The following MAGI2 variants were observed in gnomAD, a reference collection of about 807,000 sequenced individuals.
MAGI2 encodes membrane-associated guanylate kinase, WW and PDZ domain-containing protein 2.
A neutral mutation model predicts 133.3 loss-of-function variants in MAGI2; 35 were observed. The ratio of observed to expected loss-of-function variants is 0.26; its 90% CI spans 0.20 to 0.35. The LOEUF is 0.35. MAGI2 is among the 10% of genes least tolerant of loss of function. The pLI, the probability that MAGI2 is intolerant of heterozygous loss-of-function variation, is 1.00. For missense variants in MAGI2, 1,636 were observed against 1,863.4 expected, an observed-to-expected ratio of 0.88 and a Z score of 2.25; for synonymous variants, 729 against 710.6, an observed-to-expected ratio of 1.03 and a Z score of -0.41.
At chr7:79,116,148 T>G (rs1410201043) in intron 1 of MAGI2, among the ~76,000 whole-genome samples, 1 of 152,136 alleles carries the variant, frequency 6.6e-6, no homozygotes, top group Non-Finnish European at 1.5e-5. Context: ...CACTCATCTT[T>G]TCCGTCAGTG....
chr7:78,890,233 C>T (rs1243402746), intron 2 of MAGI2, among the ~76,000 whole-genome samples: 1 of 152,190 alleles, frequency 6.6e-6, no homozygotes, highest in Non-Finnish European at 1.5e-5. Flanking sequence ...AAAGCAAGTC[C>T]TTAGAGACCT....
chr7:79,209,977 A>C, intron 1 of MAGI2, among the ~76,000 whole-genome samples: 1 of 151,986 alleles, frequency 6.6e-6, no homozygotes, highest in Non-Finnish European at 1.5e-5. Flanking sequence ...TTGTCTTGTA[A>C]GTTTTGTGGG....
intron 1 of MAGI2, among the ~76,000 whole-genome samples, chr7:79,056,995 C>T (rs1813205040): frequency 6.6e-6 from 1 of 152,150 alleles, no homozygotes; most frequent in Non-Finnish European, 1.5e-5. Flanking sequence ...TTTCAGAAAT[C>T]TGAAGAAGTC....
intron 2 of MAGI2, among the ~76,000 whole-genome samples, chr7:78,894,326 C>T (rs1290726701): frequency 2.0e-5 from 3 of 152,050 alleles, no homozygotes; most frequent in African/African-American, 7.2e-5. Context: ...GGCGTGAACC[C>T]GGGTGGCAGA....
chr7:78,285,885 C>CA (rs1418778051), intron 9 of MAGI2: 3 of 150,082 alleles, frequency 2.0e-5, no homozygotes, highest in Non-Finnish European at 2.9e-5. Context: ...AATATCAGGG[C>CA]AGCTTTTAAA....
At chr7:78,131,886 A>G (rs1310270853) in intron 18 of MAGI2, among the ~76,000 whole-genome samples, 2 of 152,052 alleles carry the variant, frequency 1.3e-5, no homozygotes, top group African/African-American at 4.8e-5. Context: ...AATTTATTTT[A>G]TTTTTGAGAC....
At chr7:78,113,152 C>T (rs1202736242) in intron 20 of MAGI2, among the ~76,000 whole-genome samples, 4 of 104,084 alleles carry the variant, frequency 3.8e-5, no homozygotes, top group South Asian at 2.7e-4. Context: ...GGATAGAACA[C>T]GCAGGGAGGG....
At chr7:78,896,572 A>G (rs932844448) in intron 2 of MAGI2, among the ~76,000 whole-genome samples, 4 of 149,370 alleles carry the variant, frequency 2.7e-5, no homozygotes, top group Admixed American at 2.0e-4. Flanking sequence ...ATTAAAAATT[A>G]TATGTATATA....
At chr7:78,024,475 A>G (rs947497177) in intron 21 of MAGI2, among the ~76,000 whole-genome samples, 2 of 152,134 alleles carry the variant, frequency 1.3e-5, no homozygotes, top group Non-Finnish European at 2.9e-5. Context: ...TTATTTCCCC[A>G]TGTTGGTGAA....
intron 1 of MAGI2, among the ~76,000 whole-genome samples, chr7:79,204,463 C>A (rs988209402): frequency 3.3e-5 from 5 of 151,934 alleles, no homozygotes; most frequent in African/African-American, 1.2e-4. Flanking sequence ...CTGGTGCACC[C>A]CAGCACAGCA....
At chr7:78,552,758 C>A (rs1413762833) in intron 3 of MAGI2, among the ~76,000 whole-genome samples, 1 of 152,018 alleles carries the variant, frequency 6.6e-6, no homozygotes, top group Non-Finnish European at 1.5e-5. Context: ...GCTAGGGTGC[C>A]CTGAGCCAAA....
chr7:78,719,936 C>A (rs969658345), intron 2 of MAGI2, among the ~76,000 whole-genome samples: 2 of 152,096 alleles, frequency 1.3e-5, no homozygotes, highest in African/African-American at 4.8e-5. Flanking sequence ...TATAATTTAT[C>A]ATCTATAATT....
chr7:79,178,480 G>A (rs1173696141), intron 1 of MAGI2, among the ~76,000 whole-genome samples: 1 of 151,938 alleles, frequency 6.6e-6, no homozygotes, highest in East Asian at 1.9e-4. Context: ...GGGAGGCCGA[G>A]ATGTGTGGAT....
chr7:79,365,026 AC>A (rs1414244285), intron 1 of MAGI2, among the ~76,000 whole-genome samples: 3 of 152,044 alleles, frequency 2.0e-5, no homozygotes, highest in African/African-American at 7.2e-5. Context: ...GAAAAAAAAA[AC>A]CTCTCAAAAT....
intron 2 of MAGI2, among the ~76,000 whole-genome samples, chr7:78,877,171 T>C (rs1035167618): frequency 1.3e-5 from 2 of 152,234 alleles, no homozygotes; most frequent in South Asian, 4.1e-4. Flanking sequence ...TACTGATTTA[T>C]TTTCAAATTC....
At position 78,246,068 on chromosome 7, in the gene MAGI2, C is replaced by T. The variant is rs554709663; in HGVS notation, c.2047+9875G>A. 9.9e-5 allele frequency among the ~76,000 whole-genome samples: 15 copies of T among 152,234 alleles called. No homozygotes were observed. The East Asian group carries it at 2.9e-3, about 30-fold the overall frequency. On this transcript the variant is annotated intron_variant, in intron 10 of 21. Transcript: ENST00000354212. ...GCTGCTGTAGAGCTGCTCTATCTAC[C>T]CCTCCCAGTGGTTGCTGCATCTTGT...
intron 1 of MAGI2, among the ~76,000 whole-genome samples, chr7:79,307,734 G>A (rs16886524): frequency 0.15 from 22,820 of 152,072 alleles, 1,798 homozygotes; most frequent in South Asian, 0.25. Context: ...GGCCTGGAGC[G>A]GAACATTACA....
At chr7:79,325,446 C>G (rs1228858313) in intron 1 of MAGI2, among the ~76,000 whole-genome samples, 1 of 152,118 alleles carries the variant, frequency 6.6e-6, no homozygotes, top group East Asian at 1.9e-4. Flanking sequence ...TAGATATACT[C>G]TAGAATGAGT....
At chr7:79,038,801 T>C (rs1009222280) in intron 1 of MAGI2, among the ~76,000 whole-genome samples, 9 of 152,226 alleles carry the variant, frequency 5.9e-5, no homozygotes, top group African/African-American at 2.2e-4. Context: ...TGCATTGTTT[T>C]TAAATTCTAT....
Sources: allele counts gnomAD v4.1 joint callset (sites outside exome capture counted in the v4.1 genomes callset), GRCh38; gene constraint gnomAD v4.1.1; transcripts MANE v1.5; gene names NCBI Gene and HGNC (gene_info 2026-07-23, HGNC 2026-07-21).